The following HSF2BP variants were observed in gnomAD, a reference collection of about 807,000 sequenced individuals.
HSF2BP encodes the protein heat shock factor 2-binding protein.
Under a neutral mutation model 35.0 loss-of-function variants are expected in HSF2BP, and 35 were observed. The observed-to-expected ratio is 1.00, with a 90% CI of 0.76 to 1.32. HSF2BP has a LOEUF of 1.32. Among genes scored for constraint, HSF2BP ranks in the 40% most tolerant of loss-of-function variants. The pLI is 0.00. For missense variants in HSF2BP, 326 were observed against 321.7 expected (o/e 1.01, Z -0.10); for synonymous variants, 114 against 117.4 (o/e 0.97, Z 0.18).
At chr21:43,614,362 CAAA>C (rs142666316) in intron 6 of HSF2BP, among the ~76,000 whole-genome samples, 13 of 75,534 alleles carry the variant, frequency 1.7e-4, no homozygotes, top group Admixed American at 4.5e-4. Flanking sequence ...AGCCCTGTCT[CAAA>C]AAAAAAAAAA....
At chr21:43,651,768 G>A (rs975147198) in intron 3 of HSF2BP, among the ~76,000 whole-genome samples, 1 of 151,960 alleles carries the variant, frequency 6.6e-6, no homozygotes, top group African/African-American at 2.4e-5. Context: ...ACATGCCACC[G>A]CCCTGGCCTA....
intron 3 of HSF2BP, among the ~76,000 whole-genome samples, chr21:43,652,050 A>G (rs2082794084): frequency 6.6e-6 from 1 of 152,154 alleles, no homozygotes; most frequent in Non-Finnish European, 1.5e-5. Context: ...AAACTTCTCA[A>G]ATCAGGTCTA....
At chr21:43,605,602 A>G (rs2146875473) in intron 7 of HSF2BP, among the ~76,000 whole-genome samples, 1 of 146,330 alleles carries the variant, frequency 6.8e-6, no homozygotes, top group South Asian at 2.3e-4. Context: ...CCACACACAC[A>G]CATCCCCCTC....
intron 3 of HSF2BP, among the ~76,000 whole-genome samples, chr21:43,644,823 C>T (rs2082687335): frequency 1.3e-5 from 2 of 152,156 alleles, no homozygotes; most frequent in Admixed American, 1.3e-4. Flanking sequence ...TAGTGTCACC[C>T]ACTGGCAGAC....
intron 3 of HSF2BP, among the ~76,000 whole-genome samples, chr21:43,650,896 T>G (rs2082776426): frequency 6.6e-6 from 1 of 151,868 alleles, no homozygotes; most frequent in South Asian, 2.1e-4. Context: ...TTAGTAGAGA[T>G]GGGGTTTCAC....
the HSF2BP span, among the ~76,000 whole-genome samples, chr21:43,499,814 ACACT>A: frequency 1.6e-5 from 2 of 124,634 alleles, no homozygotes; most frequent in African/African-American, 5.5e-5. Flanking sequence ...CCACACATGC[ACACT>A]CACACCAAAC....
chr21:43,625,212 G>C (rs889531964), intron 6 of HSF2BP, among the ~76,000 whole-genome samples: 2 of 152,100 alleles, frequency 1.3e-5, no homozygotes, highest in Admixed American at 1.3e-4. Context: ...AGGTCTTCTT[G>C]AACACATTAG....
chr21:43,605,485 CCACACA>C (rs956646545), intron 7 of HSF2BP, among the ~76,000 whole-genome samples: 1 of 146,292 alleles, frequency 6.8e-6, no homozygotes, highest in Non-Finnish European at 1.5e-5. Context: ...CACGCCACAC[CCACACA>C]CACACCCACA....
intron 3 of HSF2BP, among the ~76,000 whole-genome samples, chr21:43,647,266 GTCTC>G (rs990997886): frequency 3.3e-5 from 5 of 151,962 alleles, no homozygotes; most frequent in South Asian, 2.1e-4. Flanking sequence ...CCGAGACGGT[GTCTC>G]TCTGTCAGTG....
At chr21:43,602,910 C>T (rs1269603595) in intron 7 of HSF2BP, among the ~76,000 whole-genome samples, 2 of 152,158 alleles carry the variant, frequency 1.3e-5, no homozygotes, top group East Asian at 3.9e-4. Flanking sequence ...TCTGGGCCTT[C>T]TGCCATCCCC....
intron 3 of HSF2BP, among the ~76,000 whole-genome samples, chr21:43,649,483 T>C (rs897151355): frequency 6.6e-6 from 1 of 152,106 alleles, no homozygotes; most frequent in Non-Finnish European, 1.5e-5. Context: ...CAGCGTATCA[T>C]GGCTACACTA....
Position 43,656,626 on chromosome 21 carries a change from C to T in HSF2BP, c.148G>A (p.Val50Met), listed in dbSNP as rs1388393025. The T allele has an allele frequency of 6.2e-7, 1 of 1,613,700 alleles. No individual in the cohort carries two copies. ...DFLPRILNGEVLESFQKLKIV... is the reference protein window; with the variant it reads ...DFLPRILNGEMLESFQKLKIV... Reference sequence around the variant, plus strand: ...TTTAATTTCTGGAAGCTCTCCAGCACCTCCCCATTTAGTATTCTGGGTAAG... The same window carrying T: ...TTTAATTTCTGGAAGCTCTCCAGCATCTCCCCATTTAGTATTCTGGGTAAG... The change falls in exon 3 of 9, where the codon GTG (valine) becomes ATG (methionine). Residue 50 changes from valine to methionine, a missense_variant. By Grantham distance (21) the Val-to-Met change is conservative (BLOSUM62 1). Transcript: ENST00000291560.
chr21:43,611,598 G>C (rs915430417), intron 7 of HSF2BP, among the ~76,000 whole-genome samples: 1 of 152,226 alleles, frequency 6.6e-6, no homozygotes, highest in Admixed American at 6.5e-5. Context: ...GAGCCACACA[G>C]AGAGCACCAG....
chr21:43,655,277 G>T (rs1031398092), intron 3 of HSF2BP, among the ~76,000 whole-genome samples: 2 of 152,226 alleles, frequency 1.3e-5, no homozygotes, highest in Non-Finnish European at 2.9e-5. Context: ...GGATGAGCAT[G>T]AAATCAAAAC....
At chr21:43,653,771 C>T (rs773500439) in intron 3 of HSF2BP, among the ~76,000 whole-genome samples, 5 of 152,220 alleles carry the variant, frequency 3.3e-5, no homozygotes, top group African/African-American at 4.8e-5. Flanking sequence ...GTGAGGAGAC[C>T]GCCAGGAGGA....
chr21:43,642,050 T>C (rs141157923), intron 4 of HSF2BP, among the ~76,000 whole-genome samples: 6,219 of 152,190 alleles, frequency 0.041, 434 homozygotes, highest in African/African-American at 0.14. Context: ...AATCCCAGCA[T>C]TTTGGGAGGC....
intron 6 of HSF2BP, among the ~76,000 whole-genome samples, chr21:43,618,502 A>G (rs2082295654): frequency 6.6e-6 from 1 of 152,218 alleles, no homozygotes; most frequent in African/African-American, 2.4e-5. Flanking sequence ...AGACAAATCA[A>G]TGGAGAAATG....
intron 6 of HSF2BP, among the ~76,000 whole-genome samples, chr21:43,615,995 G>C (rs1044790428): frequency 6.7e-6 from 1 of 150,100 alleles, no homozygotes; most frequent in Non-Finnish European, 1.5e-5. Flanking sequence ...GAGGAGGTTT[G>C]TTACACAGCA....
chr21:43,618,674 C>T (rs1223744237), intron 6 of HSF2BP, among the ~76,000 whole-genome samples: 2 of 152,034 alleles, frequency 1.3e-5, no homozygotes, highest in African/African-American at 2.4e-5. Flanking sequence ...CAGTGGCTCA[C>T]GCCTGTAATC....
Sources: gnomAD v4.1 joint callset for allele counts (sites outside exome capture counted in the v4.1 genomes callset) on GRCh38, gnomAD v4.1.1 for gene constraint, MANE v1.5 for transcripts, NCBI Gene and HGNC (gene_info 2026-07-23, HGNC 2026-07-21) for gene names.